ANXA6: variants seen among roughly 807,000 people sequenced by gnomAD.
ANXA6 encodes 67 kDa calelectrin.
In ANXA6, 71 loss-of-function variants were observed where a neutral mutation model predicts 95.4. The ratio of observed to expected loss-of-function variants is 0.74; its 90% CI spans 0.61 to 0.91. The LOEUF (loss-of-function observed/expected upper bound fraction) is 0.91. ANXA6 is among the 40% of genes least tolerant of loss of function. The pLI is 0.00. For missense variants in ANXA6, 830 were observed against 876.4 expected (o/e 0.95, Z 0.67); for synonymous variants, 289 against 315.9 (o/e 0.91, Z 0.90).
chr5:151,108,342 G>T, intron 23 of ANXA6, 113 bp downstream of exon 23: 1 of 971,984 alleles, frequency 1.0e-6, no homozygotes, highest in Non-Finnish European at 1.6e-6. Context: ...GGCGAACTGT[G>T]ACAGTGTTTA....
At chr5:151,126,345 G>T in intron 14 of ANXA6, 57 bp downstream of exon 14, 1 of 1,468,464 alleles carries the variant, frequency 6.8e-7, no homozygotes, top group Non-Finnish European at 9.4e-7. Context: ...GCAGCAGGAA[G>T]GTGCAAGCAG....
At chr5:151,113,491 T>A (rs1032371594) in intron 20 of ANXA6, among the ~76,000 whole-genome samples, 12 of 152,186 alleles carry the variant, frequency 7.9e-5, no homozygotes, top group African/African-American at 2.9e-4. Context: ...AATAAAACGG[T>A]ATCATTTTTA....
chr5:151,131,591 T>C (rs1765514616), intron 10 of ANXA6, among the ~76,000 whole-genome samples: 1 of 152,046 alleles, frequency 6.6e-6, no homozygotes, highest in African/African-American at 2.4e-5. Context: ...GGGGGTAGGG[T>C]CTGGGGCGAA....
intron 1 of ANXA6, among the ~76,000 whole-genome samples, chr5:151,148,219 C>G (rs1438115147): frequency 6.6e-6 from 1 of 152,154 alleles, no homozygotes; most frequent in African/African-American, 2.4e-5. Context: ...GGCAGGGTAC[C>G]TGTCTCAGCA....
intron 1 of ANXA6, among the ~76,000 whole-genome samples, chr5:151,149,104 T>TC (rs1378896398): frequency 7.7e-5 from 11 of 142,452 alleles, no homozygotes; most frequent in African/African-American, 2.7e-4. Flanking sequence ...TTGCTTGAAC[T>TC]CAGGAGGTGG....
intron 22 of ANXA6, 88 bp from the exon 23 acceptor site, chr5:151,108,638 C>G (rs897574879): frequency 7.4e-5 from 83 of 1,120,870 alleles, no homozygotes; most frequent in Non-Finnish European, 1.1e-4. Flanking sequence ...GTGCCTCCCA[C>G]AGGCTGTGCC....
intron 8 of ANXA6, among the ~76,000 whole-genome samples, chr5:151,133,482 A>G (rs1765575995): frequency 6.6e-6 from 1 of 152,238 alleles, no homozygotes; most frequent in African/African-American, 2.4e-5. Flanking sequence ...TAGGCGGCAC[A>G]CCTACCTGTT....
chr5:151,109,880 G>A (rs757862400), intron 21 of ANXA6, 34 bp from the exon 22 acceptor site: 1 of 1,463,290 alleles, frequency 6.8e-7, no homozygotes, highest in Non-Finnish European at 9.4e-7. Context: ...GGATTTGGGA[G>A]GGGAGACATG....
At chr5:151,133,293 A>G (rs1214787110) in intron 8 of ANXA6, 106 bp from the exon 9 acceptor site, 15 of 712,388 alleles carry the variant, frequency 2.1e-5, no homozygotes, top group Non-Finnish European at 3.8e-5. Flanking sequence ...CACACGAGTA[A>G]TTGGTAGCCT....
At chr5:151,127,812 G>T (rs568908360) in intron 13 of ANXA6, among the ~76,000 whole-genome samples, 1 of 152,302 alleles carries the variant, frequency 6.6e-6, no homozygotes, top group Non-Finnish European at 1.5e-5. Context: ...TAAATGAGTA[G>T]GCAGAGCAGG....
intron 1 of ANXA6, among the ~76,000 whole-genome samples, chr5:151,152,232 C>G (rs139353464): frequency 1.1e-4 from 16 of 152,314 alleles, no homozygotes; most frequent in Middle Eastern, 3.4e-3. Context: ...CCTATAGGTA[C>G]TGAGAAATAA....
intron 19 of ANXA6, 108 bp downstream of exon 19, chr5:151,117,650 C>T (rs1273892021): frequency 1.1e-6 from 1 of 921,422 alleles, no homozygotes; most frequent in Non-Finnish European, 1.7e-6. Context: ...ACCCCCTCTC[C>T]ATCAGGAGTG....
intron 3 of ANXA6, among the ~76,000 whole-genome samples, 199 bp from the exon 4 acceptor site, chr5:151,139,646 A>G (rs1765772039): frequency 6.6e-6 from 1 of 152,174 alleles, no homozygotes; most frequent in South Asian, 2.1e-4. Flanking sequence ...CAGCACACAC[A>G]ATATCTGTGC....
chr5:151,108,082 AGT>A (rs1232611521), intron 23 of ANXA6, among the ~76,000 whole-genome samples: 1 of 151,520 alleles, frequency 6.6e-6, no homozygotes, highest in East Asian at 1.9e-4. Flanking sequence ...TTTATGTATG[AGT>A]GTGTGTCACA....
intron 20 of ANXA6, among the ~76,000 whole-genome samples, chr5:151,112,661 ACTCTAC>A: frequency 6.6e-6 from 1 of 152,136 alleles, no homozygotes; most frequent in East Asian, 1.9e-4. Context: ...GAGAAACCCT[ACTCTAC>A]CAAAAAATTA....
chr5:151,119,501 C>T, intron 17 of ANXA6, 111 bp from the exon 18 acceptor site: 4 of 878,612 alleles, frequency 4.6e-6, no homozygotes, highest in Admixed American at 2.1e-5. Context: ...ATTTTCTCCT[C>T]ACCTCCAGAC....
At chr5:151,109,671 T>C in intron 22 of ANXA6, 82 bp downstream of exon 22, 1 of 1,179,898 alleles carries the variant, frequency 8.5e-7, no homozygotes, top group Non-Finnish European at 1.2e-6. Flanking sequence ...AACGGGCTCC[T>C]CTTGCCACAG....
intron 1 of ANXA6, among the ~76,000 whole-genome samples, chr5:151,157,170 C>T (rs1302161081): frequency 2.6e-5 from 4 of 152,142 alleles, no homozygotes; most frequent in Admixed American, 1.3e-4. Flanking sequence ...TACGACCGGA[C>T]GTTCAGCTCT....
chr5:151,139,409 G>T lies in ANXA6; in HGVS notation c.148C>A (p.Arg50=), dbSNP rs758088547. 1 of 1,613,678 alleles carries T rather than the reference G, an allele frequency of 6.2e-7. No homozygotes were observed. Among genetic ancestry groups the T allele is most frequent in the Non-Finnish European group, 8.5e-7 (1 of 1,179,710 alleles). Residue 50 remains arginine (R), a synonymous_variant, in exon 4 of 26, where the codon CGG becomes AGG. Coordinates refer to ENST00000354546, the MANE Select transcript of ANXA6 (RefSeq NM_001155.5). ...ACCTCCTGCCTCTGCCTGTTGCTCC[G>T]TGAGGTGATTATGTCCAGTATGGCC... ...KEAILDIITS[R]SNRQRQEVCQ...
Sources: gnomAD v4.1 joint callset for allele counts (sites outside exome capture counted in the v4.1 genomes callset) on GRCh38, gnomAD v4.1.1 for gene constraint, MANE v1.5 for transcripts, NCBI Gene and HGNC (gene_info 2026-07-23, HGNC 2026-07-21) for gene names.